MECOM: variants seen among roughly 807,000 people sequenced by gnomAD.
MECOM encodes the protein MDS1 and EVI1 complex locus, also known as histone-lysine N-methyltransferase MECOM.
A neutral mutation model predicts 116.3 loss-of-function variants in MECOM; 13 were observed. The observed-to-expected ratio is 0.11, with a 90% CI of 0.07 to 0.18. The LOEUF (loss-of-function observed/expected upper bound fraction) is 0.18. Ranked by LOEUF, MECOM falls within the 10% of genes least tolerant of loss-of-function variation. MECOM has a pLI of 1.00. For missense variants in MECOM, 1,299 were observed against 1,509.0 expected (o/e 0.86, Z 2.31); for synonymous variants, 528 against 535.2 (o/e 0.99, Z 0.19).
intron 2 of MECOM, among the ~76,000 whole-genome samples, chr3:169,239,624 GGGT>G (rs1453321381): frequency 6.6e-6 from 1 of 151,932 alleles, no homozygotes; most frequent in Admixed American, 6.6e-5. Context: ...TTATTTTGGG[GGGT>G]GTCCTAATAA....
At chr3:169,498,203 A>G (rs1754071082) in intron 1 of MECOM, among the ~76,000 whole-genome samples, 2 of 152,338 alleles carry the variant, frequency 1.3e-5, no homozygotes, top group South Asian at 4.1e-4. Flanking sequence ...TCTTAAATTA[A>G]TAAAGAAGAT....
intron 1 of MECOM, among the ~76,000 whole-genome samples, chr3:169,475,845 T>C (rs1220306822): frequency 2.0e-5 from 3 of 152,198 alleles, no homozygotes; most frequent in Admixed American, 2.0e-4. Context: ...AGTTAGGAGC[T>C]AGCATGGATG....
chr3:169,327,243 A>G (rs1279374622), intron 2 of MECOM, among the ~76,000 whole-genome samples: 1 of 152,226 alleles, frequency 6.6e-6, no homozygotes, highest in Non-Finnish European at 1.5e-5. Context: ...AATTTATGGT[A>G]ATGTACATAT....
At chr3:169,618,727 A>G (rs1770324396) in intron 1 of MECOM, among the ~76,000 whole-genome samples, 1 of 152,180 alleles carries the variant, frequency 6.6e-6, no homozygotes, top group Non-Finnish European at 1.5e-5. Context: ...AAATTTCACC[A>G]TGGCTTACAC....
chr3:169,293,136 A>C (rs1284648693), intron 2 of MECOM, among the ~76,000 whole-genome samples: 1 of 152,190 alleles, frequency 6.6e-6, no homozygotes, highest in Non-Finnish European at 1.5e-5. Flanking sequence ...AGAACAAATC[A>C]ACAGAGCATG....
intron 1 of MECOM, among the ~76,000 whole-genome samples, chr3:169,455,058 A>G (rs945273195): frequency 3.9e-5 from 6 of 152,200 alleles, no homozygotes; most frequent in African/African-American, 1.4e-4. Flanking sequence ...TATAAAATTC[A>G]GGACATGACA....
chr3:169,162,231 A>G (rs557156388), intron 2 of MECOM, among the ~76,000 whole-genome samples: 4 of 152,196 alleles, frequency 2.6e-5, no homozygotes, highest in Admixed American at 2.0e-4. Context: ...TTGGCTTTTG[A>G]CTCACAGGTT....
chr3:169,279,960 A>G (rs1305464040), intron 2 of MECOM, among the ~76,000 whole-genome samples: 1 of 152,196 alleles, frequency 6.6e-6, no homozygotes, highest in Non-Finnish European at 1.5e-5. Flanking sequence ...TTTTAAAAGC[A>G]CCACCCTTTA....
chr3:169,134,001 T>G (rs1735575633), intron 3 of MECOM: 1 of 1,264,512 alleles, frequency 7.9e-7, no homozygotes, highest in Non-Finnish European at 1.0e-6. Context: ...TTAGAACTTT[T>G]CGGTGGCTTC....
chr3:169,196,696 T>A (rs1286651883), intron 2 of MECOM, among the ~76,000 whole-genome samples: 1 of 152,036 alleles, frequency 6.6e-6, no homozygotes, highest in Non-Finnish European at 1.5e-5. Flanking sequence ...GAAAAAAGAA[T>A]GCTTATACAC....
At chr3:169,463,167 G>C (rs567871623) in intron 1 of MECOM, among the ~76,000 whole-genome samples, 40 of 152,230 alleles carry the variant, frequency 2.6e-4, no homozygotes, top group African/African-American at 7.7e-4. Context: ...TTAAGTATAA[G>C]GAAATGGACT....
chr3:169,262,688 T>A (rs571100867), intron 2 of MECOM, among the ~76,000 whole-genome samples: 1 of 152,204 alleles, frequency 6.6e-6, no homozygotes, highest in African/African-American at 2.4e-5. Flanking sequence ...TCAAACTCAT[T>A]TCTGGAGAAA....
chr3:169,492,795 A>G (rs1417712643), intron 1 of MECOM, among the ~76,000 whole-genome samples: 1 of 151,980 alleles, frequency 6.6e-6, no homozygotes. Flanking sequence ...AACCCCCTCT[A>G]CTAAAAATAC....
At chr3:169,451,080 T>G (rs1056783671) in intron 1 of MECOM, among the ~76,000 whole-genome samples, 1 of 152,130 alleles carries the variant, frequency 6.6e-6, no homozygotes, top group Non-Finnish European at 1.5e-5. Flanking sequence ...TTTAATCCAG[T>G]CATCTTTCTC....
At chr3:169,296,914 A>G (rs892118294) in intron 2 of MECOM, among the ~76,000 whole-genome samples, 1 of 152,206 alleles carries the variant, frequency 6.6e-6, no homozygotes, top group African/African-American at 2.4e-5. Flanking sequence ...AGCTTAGAAA[A>G]ACAAAACTCA....
intron 2 of MECOM, among the ~76,000 whole-genome samples, chr3:169,182,100 C>T (rs569952642): frequency 4.6e-5 from 7 of 152,248 alleles, no homozygotes; most frequent in African/African-American, 1.2e-4. Flanking sequence ...TGAACTGAGT[C>T]TAAATATTCA....
chr3:169,520,164 G>A (rs114206926), intron 1 of MECOM, among the ~76,000 whole-genome samples: 3,000 of 152,262 alleles, frequency 0.02, 33 homozygotes, highest in Middle Eastern at 0.037. Context: ...GAACAAGATA[G>A]AAAGAGAGTC....
chr3:169,409,019 G>C (rs1353789295), intron 1 of MECOM, among the ~76,000 whole-genome samples: 1 of 152,028 alleles, frequency 6.6e-6, no homozygotes, highest in Non-Finnish European at 1.5e-5. Flanking sequence ...CCACAACAGA[G>C]TAATGTAGTT....
At chr3:169,256,469 C>T (rs899512692) in intron 2 of MECOM, among the ~76,000 whole-genome samples, 12 of 152,128 alleles carry the variant, frequency 7.9e-5, no homozygotes, top group Admixed American at 3.3e-4. Flanking sequence ...GTGGGATACA[C>T]TTTCCAGCAC....
Sources: gnomAD v4.1 joint callset for allele counts (sites outside exome capture counted in the v4.1 genomes callset) on GRCh38, gnomAD v4.1.1 for gene constraint, MANE v1.5 for transcripts, NCBI Gene and HGNC (gene_info 2026-07-23, HGNC 2026-07-21) for gene names.